The following HDAC7 variants were observed in gnomAD, a reference collection of about 807,000 sequenced individuals.
The protein encoded by HDAC7 is histone deacetylase 7A.
In HDAC7, 26 loss-of-function variants were observed where a neutral mutation model predicts 115.5. The ratio of observed to expected loss-of-function variants is 0.23; its 90% CI spans 0.16 to 0.31. HDAC7 has a LOEUF of 0.31. Ranked by LOEUF, HDAC7 falls within the 10% of genes least tolerant of loss-of-function variation. The pLI is 1.00. For missense variants in HDAC7, 1,068 were observed against 1,329.0 expected (o/e 0.80, Z 3.05); for synonymous variants, 564 against 550.9 (o/e 1.02, Z -0.33).
chr12:47,793,482 C>T lies in HDAC7; in HGVS notation c.1565G>A (p.Arg522Gln). ...AGGTGCGGCTGGGGAAGACTGAGCC[C>T]GGGACAGAGGCCGGTGCCCACCCTG... ...LAQGGHRPLSRAQSSPAAPAS... is the reference protein window; with the variant it reads ...LAQGGHRPLSQAQSSPAAPAS... Residue 522 changes from arginine (R) to glutamine (Q), a missense_variant, in exon 13 of 26, where the codon CGG (arginine) becomes CAG (glutamine). Coordinates refer to ENST00000080059, the MANE Select transcript of HDAC7 (RefSeq NM_015401.5). This position sits in a 1 kb window ranked among gnomAD's most constrained non-coding sequence, Gnocchi z 4.5. 2 of 1,551,524 alleles carry T rather than the reference C, an allele frequency of 1.3e-6. No individual in the cohort carries two copies. Among genetic ancestry groups the T allele is most frequent in the Non-Finnish European group, 1.7e-6 (2 of 1,147,992 alleles).
intron 23 of HDAC7, 39 bp downstream of exon 23, chr12:47,785,709 ACCTG>A: frequency 6.3e-7 from 1 of 1,577,530 alleles, no homozygotes; most frequent in East Asian, 2.3e-5. Context: ...AGCCGGGCTT[ACCTG>A]CCTGACAGAA....
chr12:47,784,022 A>C (rs1253642623), intron 25 of HDAC7, 57 bp downstream of exon 25: 3 of 1,605,174 alleles, frequency 1.9e-6, no homozygotes. Context: ...GTCTTCAAGC[A>C]GGGAGGAATG....
Position 47,798,039 on chromosome 12 carries a change from C to T in HDAC7, c.461+69G>A. ...GAGGAAGGAGGCAAGTGTGTGTGCT[C>T]ATGGCTAACACGGGGGCGGGGGTGG... is the stretch of plus-strand genomic sequence containing the variant. On this transcript the variant is annotated intron_variant, in intron 5 of 25. Transcript: ENST00000080059. This position sits in a 1 kb window ranked among gnomAD's most constrained non-coding sequence, Gnocchi z 4.3. The T allele has an allele frequency of 9.0e-7, 1 of 1,110,684 alleles. No homozygotes were observed. Among genetic ancestry groups the T allele is most frequent in the Non-Finnish European group, 1.4e-6 (1 of 729,858 alleles). 68.8% of individuals were successfully genotyped at this position (1,110,684 alleles called of 1,614,324 possible).
chr12:47,795,084 C>T lies in HDAC7; in HGVS notation c.1284+100G>A. 1 of 1,306,040 alleles carries T rather than the reference C, an allele frequency of 7.7e-7. No individual in the cohort carries two copies. Among genetic ancestry groups the T allele is most frequent in the Non-Finnish European group, 1.1e-6 (1 of 932,186 alleles). 80.9% of individuals were successfully genotyped at this position (1,306,040 alleles called of 1,614,324 possible). ...CAAGAAGCCACATCCCCCTCTTTTGCCCTCCAGTTCCCTGCCCTTTCTAAG... is the reference window on the plus strand; with the variant it reads ...CAAGAAGCCACATCCCCCTCTTTTGTCCTCCAGTTCCCTGCCCTTTCTAAG... On this transcript the variant is annotated intron_variant, in intron 11 of 25. Coordinates refer to ENST00000080059, the MANE Select transcript of HDAC7 (RefSeq NM_015401.5). The surrounding 1 kb of genome is among the most constrained non-coding windows in gnomAD (Gnocchi z 4.3).
rs553261213 is a variant in HDAC7, at chr12:47,795,392, C to T, written c.1088-12G>A. Reference sequence around the variant, plus strand: ...CCCAAGCCCGGGCACTGGAAAGAATCGGGGGGTGGAATAAGGAGGGAACCA... The same window carrying T: ...CCCAAGCCCGGGCACTGGAAAGAATTGGGGGGTGGAATAAGGAGGGAACCA... On this transcript the variant is annotated splice_polypyrimidine_tract_variant and intron_variant, in intron 10 of 25. Transcript: ENST00000080059. The surrounding 1 kb of genome is among the most constrained non-coding windows in gnomAD (Gnocchi z 4.3). The T allele has an allele frequency of 2.6e-4, 398 of 1,554,778 alleles. 11 individuals are homozygous for T. The South Asian group carries it at 4.4e-3, about 17-fold the overall frequency.
In HDAC7 at chr12:47,792,384, A is replaced by T. The variant is rs374304839; in HGVS notation, c.1679-380T>A. 9.5e-5 allele frequency: 34 copies of T among 357,198 alleles called. No individual in the cohort carries two copies. In the East Asian group the frequency reaches 2.1e-3, roughly 22 times the overall value. 22.1% of individuals were successfully genotyped at this position (357,198 alleles called of 1,614,324 possible). A position where few individuals can be genotyped will look rare whatever the true frequency, so the allele number is the denominator to read the frequency against. ...TGAGGCCTAACGTACAGCATCTCAC[A>T]CACGTGTCATGAACCCAGAGAGGCT... On this transcript the variant is annotated intron_variant, in intron 13 of 25. Coordinates refer to ENST00000080059, the MANE Select transcript of HDAC7 (RefSeq NM_015401.5).
chr12:47,795,703 T>C lies in HDAC7; in HGVS notation c.971A>G (p.His324Arg). ...GPRGPILGSPHTPLFLPHGLE... is the reference protein window; with the variant it reads ...GPRGPILGSPRTPLFLPHGLE... ...GCCATGGGGCAGGAAGAGGGGAGTG[T>C]GGGGGCTCCCCAGGATTGGCCCCCG... Residue 324 changes from histidine to arginine, a missense_variant, in exon 10 of 26, where the codon CAC becomes CGC. His to Arg is a conservative substitution (Grantham distance 29). Coordinates refer to ENST00000080059, the MANE Select transcript of HDAC7 (RefSeq NM_015401.5). This position sits in a 1 kb window ranked among gnomAD's most constrained non-coding sequence, Gnocchi z 4.3. 1 of 1,548,648 alleles carries C rather than the reference T, an allele frequency of 6.5e-7. No individual in the cohort carries two copies. Among genetic ancestry groups the C allele is most frequent in the East Asian group, 2.4e-5 (1 of 40,868 alleles).
chr12:47,802,545 G>C (rs761051981), intron 1 of HDAC7: 6 of 1,474,200 alleles, frequency 4.1e-6, no homozygotes, highest in Non-Finnish European at 4.6e-6. Flanking sequence ...AGAACCTAAG[G>C]AGGCCTCAGC....
chr12:47,807,710 G>A (rs961626534), intron 1 of HDAC7, among the ~76,000 whole-genome samples: 2 of 152,038 alleles, frequency 1.3e-5, no homozygotes, highest in Non-Finnish European at 2.9e-5. Context: ...AGGTGAGAGG[G>A]CAGAAGCTAT....
chr12:47,808,876 G>C (rs1334532985), intron 1 of HDAC7, among the ~76,000 whole-genome samples: 1 of 152,136 alleles, frequency 6.6e-6, no homozygotes, highest in Non-Finnish European at 1.5e-5. Context: ...AAAGACATAA[G>C]TTCCACATTC....
Position 47,787,797 on chromosome 12 carries a change from T to A in HDAC7, c.2368A>T (p.Ser790Cys). The change falls in exon 21 of 26, where the codon AGC becomes TGC. Residue 790 changes from serine to cysteine, a missense_variant. Coordinates refer to ENST00000080059, the MANE Select transcript of HDAC7 (RefSeq NM_015401.5). ...ACATTGACATTGAAGCCCTCACCGC[T>A]GCCAGCCCCTACCTGGAAAACAGGA... ...SGAVDEVGAG[S>C]GEGFNVNVAW... 1 of 1,612,238 alleles carries A rather than the reference T, an allele frequency of 6.2e-7. No individual in the cohort carries two copies. Among genetic ancestry groups the A allele is most frequent in the Non-Finnish European group, 8.5e-7 (1 of 1,179,306 alleles).
In HDAC7 at chr12:47,802,481, G is replaced by C. The variant is rs991471854; in HGVS notation, c.20-207C>G. 2.4e-5 allele frequency: 37 copies of C among 1,550,998 alleles called. No individual in the cohort carries two copies. The African/African-American group carries it at 4.4e-4, about 18-fold the overall frequency. ...CCCCTGCTGGTGAAAAGGGCTCCCA[G>C]CTCCCTCTTCCTCAAGTCACTCATT... On this transcript the variant is annotated intron_variant, in intron 1 of 25. Transcript: ENST00000080059.
chr12:47,788,425 C>T (rs1592634275), intron 19 of HDAC7: 1 of 316,904 alleles, frequency 3.2e-6, no homozygotes, highest in Non-Finnish European at 5.8e-6. Context: ...CAGGCCAGCC[C>T]ACCTGAGAGA....
Position 47,795,541 on chromosome 12 carries a change from A to C in HDAC7, c.1087+46T>G, listed in dbSNP as rs1386497691. 1 of 1,534,926 alleles carries C rather than the reference A, an allele frequency of 6.5e-7. No individual in the cohort carries two copies. Among genetic ancestry groups the C allele is most frequent in the Non-Finnish European group, 8.8e-7 (1 of 1,136,338 alleles). On this transcript the variant is annotated intron_variant, in intron 10 of 25. Transcript: ENST00000080059. The surrounding 1 kb of genome is among the most constrained non-coding windows in gnomAD (Gnocchi z 4.3). Reference sequence around the variant, plus strand: ...GTCCATCCCAAGCTTGGCTCTTAGCAGGGTGCAGGGACCCAGCCCCTTCCC... The same window carrying C: ...GTCCATCCCAAGCTTGGCTCTTAGCCGGGTGCAGGGACCCAGCCCCTTCCC...
rs769868653 is a variant in HDAC7 at position 47,784,260 on chromosome 12, C to A, written c.2792-43G>T. ...GTCAGAAAGGGTTGGAGAAAGCAAG[C>A]CCCTCCACACTGCGTCCTAGACCGG... On this transcript the variant is annotated intron_variant, in intron 24 of 25. Transcript: ENST00000080059. 12 of 1,578,846 alleles carry A rather than the reference C, an allele frequency of 7.6e-6. No individual in the cohort carries two copies. The East Asian group carries it at 2.7e-4, about 36-fold the overall frequency.
At position 47,798,154 on chromosome 12, in the gene HDAC7, C is replaced by T. The variant is rs1943967926; in HGVS notation, c.415G>A (p.Ala139Thr). 6.2e-7 allele frequency: 1 copy of T among 1,613,806 alleles called. No homozygotes were observed. The highest frequency in any genetic ancestry group is 8.5e-7 in the Non-Finnish European group (1 of 1,179,916). Residue 139 changes from alanine (A) to threonine (T), a missense_variant, in exon 5 of 26, where the codon GCC (alanine) becomes ACC (threonine). Ala to Thr is a moderately conservative substitution (Grantham distance 58). Transcript: ENST00000080059. This position sits in a 1 kb window ranked among gnomAD's most constrained non-coding sequence, Gnocchi z 4.3. ...AEVILKKQQA[A>T]LERTVHPNSP... ...TTGGGATGGACTGTTCTTTCTAGGG[C>T]CGCCTGCTGTTTTTTCAGAATCACC...
At chr12:47,820,184 C>A (rs574227388), upstream of HDAC7, among the ~76,000 whole-genome samples, 264 of 151,602 alleles carry the variant, frequency 1.7e-3, 2 homozygotes, top group Non-Finnish European at 3.1e-3. The surrounding 1 kb of genome is among the most constrained non-coding windows in gnomAD (Gnocchi z 4.3). Context: ...GAGCCCCAGC[C>A]GCCGCGAGGC....
At chr12:47,786,071 C>CA (rs1297959936) in intron 22 of HDAC7, 186 bp from the exon 23 acceptor site, 2 of 637,972 alleles carry the variant, frequency 3.1e-6, no homozygotes, top group Non-Finnish European at 5.1e-6. Flanking sequence ...ACTCAAGGCT[C>CA]AGGGAGGTTA....
At position 47,795,268 on chromosome 12, in the gene HDAC7, C is replaced by A. The variant is rs2136961904; in HGVS notation, c.1200G>T (p.Leu400=). ...GTGGGGGAGCGGTGGCACTGGGGGG[C>A]AGGGGCTCTGAGCGAGTCCGGCTCA... The part of the protein sequence containing the change: ...WPLSRTRSEP[L]PPSATAPPPP... Residue 400 remains leucine (L), a synonymous_variant, in exon 11 of 26, where the codon CTG becomes CTT. Transcript: ENST00000080059. The surrounding 1 kb of genome is among the most constrained non-coding windows in gnomAD (Gnocchi z 4.3). The A allele has an allele frequency of 6.2e-7, 1 of 1,612,088 alleles. No individual in the cohort carries two copies. The highest frequency in any genetic ancestry group is 8.5e-7 in the Non-Finnish European group (1 of 1,178,850).
Sources: gnomAD v4.1 joint callset for allele counts (sites outside exome capture counted in the v4.1 genomes callset) on GRCh38, gnomAD v4.1.1 for gene constraint, Gnocchi (gnomAD v3.1) non-coding constraint, MANE v1.5 for transcripts, NCBI Gene and HGNC (gene_info 2026-07-23, HGNC 2026-07-21) for gene names.